PLPPR3: variants seen among roughly 807,000 people sequenced by gnomAD.
PLPPR3 encodes the protein phospholipid phosphatase related 3.
A neutral mutation model predicts 27.3 loss-of-function variants in PLPPR3; 14 were observed. The observed-to-expected ratio is 0.51, with a 90% CI of 0.34 to 0.80. The LOEUF (loss-of-function observed/expected upper bound fraction) is 0.80. PLPPR3 is among the 30% of genes least tolerant of loss of function. The probability of loss-of-function intolerance (pLI) is 0.01; values close to 1 mark genes in which losing one functional copy is unlikely to be tolerated. For synonymous variants in PLPPR3, 671 were observed against 508.0 expected, an observed-to-expected ratio of 1.32 and a Z score of -4.32; for missense variants, 1,287 against 1,056.9, an observed-to-expected ratio of 1.22 and a Z score of -3.02.
Position 813,248 on chromosome 19 carries a change from C to T in PLPPR3, c.1479G>A (p.Leu493=), listed in dbSNP as rs1236474229. 1 of 1,478,094 alleles carries T rather than the reference C, an allele frequency of 6.8e-7. No individual in the cohort carries two copies. The highest frequency in any genetic ancestry group is 8.9e-7 in the Non-Finnish European group (1 of 1,124,288). 91.6% of individuals were successfully genotyped at this position (1,478,094 alleles called of 1,614,324 possible). ...GCGCGCCCTCCTCCGGGATGTGCAC[C>T]AGCGGCGGCGGCCCCGCGCGCGGTG... ...ILPPRAGPPP[L]VHIPEEGAQT... Residue 493 remains leucine (L), a synonymous_variant, in exon 8 of 8, where the codon CTG becomes CTA. Transcript: ENST00000520876. This position sits in a 1 kb window ranked among gnomAD's most constrained non-coding sequence, Gnocchi z 4.1.
At chr19:814,669 G>A in intron 6 of PLPPR3, 23 bp downstream of exon 6, 1 of 1,607,280 alleles carries the variant, frequency 6.2e-7, no homozygotes, top group South Asian at 1.1e-5. Flanking sequence ...GGCCTGGGAA[G>A]GGCAGTGAGG....
upstream of PLPPR3, among the ~76,000 whole-genome samples, chr19:822,910 G>A (rs1373757936): frequency 1.3e-5 from 2 of 151,680 alleles, no homozygotes; most frequent in Non-Finnish European, 2.9e-5. Context: ...CACGAGGGCA[G>A]GAGTTCGAGA....
chr19:819,727 C>T (rs957675947), intron 2 of PLPPR3, among the ~76,000 whole-genome samples: 6 of 152,192 alleles, frequency 3.9e-5, no homozygotes, highest in South Asian at 2.1e-4. Flanking sequence ...AGCCGCTGGC[C>T]GTGTGACCTG....
At position 821,542 on chromosome 19, in the gene PLPPR3, C is replaced by T. The variant is rs150524534; in HGVS notation, c.18G>A (p.Glu6=). 4,403 of 1,499,512 alleles carry T rather than the reference C, an allele frequency of 2.9e-3. 12 individuals are homozygous for T. The highest frequency in any genetic ancestry group is 4.4e-3 in the Middle Eastern group (25 of 5,740). 92.9% of individuals were successfully genotyped at this position (1,499,512 alleles called of 1,614,324 possible). ...TGCTGTCCTTCGGGATCTTGTTCTT[C>T]TCCTTGGTGGAGATCATGGTGCCGC... MISTK[E]KNKIPKDSMT... is the part of the protein sequence containing the mutation. The change falls in exon 2 of 8, where the codon GAG becomes GAA. Residue 6 remains glutamate, a synonymous_variant. Coordinates refer to ENST00000520876, the MANE Select transcript of PLPPR3 (RefSeq NM_001270366.2).
upstream of PLPPR3, among the ~76,000 whole-genome samples, chr19:823,526 G>GTT (rs1456822819): frequency 3.4e-3 from 510 of 152,048 alleles, 1 homozygote; most frequent in Middle Eastern, 0.014. Context: ...AACAGGCACT[G>GTT]CTGCCCCCGG....
chr19:813,882 A>T lies in PLPPR3; in HGVS notation c.845T>A (p.Val282Glu). 1 of 1,434,768 alleles carries T rather than the reference A, an allele frequency of 7.0e-7. No homozygotes were observed. Among genetic ancestry groups the T allele is most frequent in the Non-Finnish European group, 9.1e-7 (1 of 1,100,932 alleles). The allele number at this position is 1,434,768 out of a possible 1,614,324, so 88.9% of individuals were successfully genotyped here. A position where few individuals can be genotyped will look rare whatever the true frequency, so the allele number is the denominator to read the frequency against. ...TGCAGGTGGGGCCTGGAAGTTGCCC[A>T]CCGCGTGGCAGGCCTGTCGGGGAGA... is the stretch of plus-strand genomic sequence containing the variant. ...GIAAYLACHA[V>E]GNFQAPPAEK... is the part of the protein sequence containing the mutation. The change falls in exon 8 of 8, where the codon GTG becomes GAG. Residue 282 changes from valine (V) to glutamate (E), a missense_variant. Coordinates refer to ENST00000520876, the MANE Select transcript of PLPPR3 (RefSeq NM_001270366.2). The surrounding 1 kb of genome is among the most constrained non-coding windows in gnomAD (Gnocchi z 4.1).
At position 813,488 on chromosome 19, in the gene PLPPR3, C is replaced by A. The variant is rs367679158; in HGVS notation, c.1239G>T (p.Gln413His). Residue 413 changes from glutamine to histidine, a missense_variant, in exon 8 of 8, where the codon CAG (glutamine) becomes CAT (histidine). Gln to His is a conservative substitution (Grantham distance 24, BLOSUM62 0). Transcript: ENST00000520876. This position sits in a 1 kb window ranked among gnomAD's most constrained non-coding sequence, Gnocchi z 4.1. ...CCAGGCCGCGGCCCTCCAGGCTCTT[C>A]TGCTTCCACTCGCTGATGAGCTGCT... ...RSKQLISEWK[Q>H]KSLEGRGLGL... 2 of 1,549,350 alleles carry A rather than the reference C, an allele frequency of 1.3e-6. No homozygotes were observed. Among genetic ancestry groups the A allele is most frequent in the Non-Finnish European group, 1.7e-6 (2 of 1,151,408 alleles).
chr19:818,307 C>T (rs942420851), intron 2 of PLPPR3, among the ~76,000 whole-genome samples: 14 of 151,852 alleles, frequency 9.2e-5, no homozygotes, highest in African/African-American at 1.7e-4. Flanking sequence ...CGTTTGAGGA[C>T]GGGAGGTGGA....
In PLPPR3 at chr19:821,676, G is replaced by A. The variant is rs1017097651; in HGVS notation, c.-26-91C>T. ...GGCGCCGGCGGGGGAGGGGCGGTCGGGGAAACTGAGGCTGCAGAGAGCGGC... is the reference window on the plus strand; with the variant it reads ...GGCGCCGGCGGGGGAGGGGCGGTCGAGGAAACTGAGGCTGCAGAGAGCGGC... On this transcript the variant is annotated intron_variant, in intron 1 of 7. Coordinates refer to ENST00000520876, the MANE Select transcript of PLPPR3 (RefSeq NM_001270366.2). 6.4e-6 allele frequency: 4 copies of A among 624,276 alleles called. No homozygotes were observed. In the Admixed American group the frequency reaches 1.3e-4, roughly 20 times the overall value. 38.7% of individuals were successfully genotyped at this position (624,276 alleles called of 1,614,324 possible). A position where few individuals can be genotyped will look rare whatever the true frequency, so the allele number is the denominator to read the frequency against.
At chr19:818,791 C>T (rs2145079757) in intron 2 of PLPPR3, among the ~76,000 whole-genome samples, 1 of 152,144 alleles carries the variant, frequency 6.6e-6, no homozygotes, top group Admixed American at 6.5e-5. Context: ...CCTAGGCCTT[C>T]CAAAGTGCTG....
At position 814,536 on chromosome 19, in the gene PLPPR3, G is replaced by A. The variant is rs758044499; in HGVS notation, c.729C>T (p.Ile243=). The A allele has an allele frequency of 1.4e-5, 22 of 1,611,894 alleles. No homozygotes were observed. Among genetic ancestry groups the A allele is most frequent in the South Asian group, 9.9e-5 (9 of 91,086 alleles). ...LKPILVFAFA[I]AAGVCGLTQI... is the part of the protein sequence containing the mutation. ...GCGTGAGCCCGCATACGCCCGCGGC[G>A]ATGGCAAAGGCGAAGACCAGGATGG... The change falls in exon 7 of 8, where the codon ATC becomes ATT. Residue 243 remains isoleucine, a synonymous_variant. Coordinates refer to ENST00000520876, the MANE Select transcript of PLPPR3 (RefSeq NM_001270366.2).
In PLPPR3 at chr19:813,482, G is replaced by T. The variant is rs779062739; in HGVS notation, c.1245C>A (p.Ser415Arg). The change falls in exon 8 of 8, where the codon AGC becomes AGA. Residue 415 changes from serine to arginine, a missense_variant. Physicochemically the swap from Ser to Arg is moderately radical, Grantham distance 110. Transcript: ENST00000520876. The surrounding 1 kb of genome is among the most constrained non-coding windows in gnomAD (Gnocchi z 4.1). The stretch of plus-strand genomic sequence containing the variant: ...GCAGCCCCAGGCCGCGGCCCTCCAG[G>T]CTCTTCTGCTTCCACTCGCTGATGA... ...KQLISEWKQK[S>R]LEGRGLGLPD... 8 of 1,545,612 alleles carry T rather than the reference G, an allele frequency of 5.2e-6. No homozygotes were observed. The highest frequency in any genetic ancestry group is 7.0e-6 in the Non-Finnish European group (8 of 1,149,810).
At chr19:822,502 C>T (rs1425273839), upstream of PLPPR3, among the ~76,000 whole-genome samples, 2 of 152,094 alleles carry the variant, frequency 1.3e-5, no homozygotes, top group Non-Finnish European at 2.9e-5. Flanking sequence ...GGGGGGTCTC[C>T]CGGTGCCTCC....
At position 812,494 on chromosome 19, in the gene PLPPR3, T is replaced by C. The variant is rs1338610687; in HGVS notation, c.*76A>G. On this transcript the variant is annotated 3_prime_UTR_variant, in exon 8 of 8. Coordinates refer to ENST00000520876, the MANE Select transcript of PLPPR3 (RefSeq NM_001270366.2). ...AATGACCAAGAGCCGGACCTCGGTT[T>C]CTGCCGCTTTATTGAGCATCCGCGC... The C allele has an allele frequency of 3.1e-6, 3 of 977,818 alleles. No homozygotes were observed. The highest frequency in any genetic ancestry group is 1.8e-5 in the African/African-American group (1 of 56,922). The allele number at this position is 977,818 out of a possible 1,614,324, so 60.6% of individuals were successfully genotyped here.
Position 814,418 on chromosome 19 carries a change from A to G in PLPPR3, c.831+16T>C, listed in dbSNP as rs1243031250. On this transcript the variant is annotated intron_variant, in intron 7 of 7. Transcript: ENST00000520876. ...CTGGGAACCCATGCCGACCCCCATC[A>G]GAACCTGCCACTCACCAGGTAGGCA... 1 of 1,586,884 alleles carries G rather than the reference A, an allele frequency of 6.3e-7. No individual in the cohort carries two copies. The highest frequency in any genetic ancestry group is 8.6e-7 in the Non-Finnish European group (1 of 1,168,732).
chr19:812,741 G>T lies in PLPPR3; in HGVS notation c.1986C>A (p.Ala662=), dbSNP rs1237124087. Reference sequence around the variant, plus strand: ...CCAGCGGGGGCAGCCCCTCGCCCGTGGCCAGGTTGACGGTGGCCACGGCCC... The same window carrying T: ...CCAGCGGGGGCAGCCCCTCGCCCGTTGCCAGGTTGACGGTGGCCACGGCCC... ...RFGAVATVNL[A]TGEGLPPLGA... is the part of the protein sequence containing the mutation. The change falls in exon 8 of 8, where the codon GCC becomes GCA. Residue 662 remains alanine, a synonymous_variant. Coordinates refer to ENST00000520876, the MANE Select transcript of PLPPR3 (RefSeq NM_001270366.2). 3.3e-5 allele frequency: 35 copies of T among 1,069,688 alleles called. No homozygotes were observed. The highest frequency in any genetic ancestry group is 3.8e-5 in the Non-Finnish European group (34 of 883,678). 66.3% of individuals were successfully genotyped at this position (1,069,688 alleles called of 1,614,324 possible). A position where few individuals can be genotyped will look rare whatever the true frequency, so the allele number is the denominator to read the frequency against.
At chr19:815,932 T>A (rs2035046036) in intron 2 of PLPPR3, 81 bp from the exon 3 acceptor site, 2 of 1,408,884 alleles carry the variant, frequency 1.4e-6, no homozygotes, top group Admixed American at 2.1e-5. Context: ...TTCAGGGCCA[T>A]CCACCGTCTC....
chr19:812,596 T>C lies in PLPPR3; in HGVS notation c.2131A>G (p.Met711Val), dbSNP rs2034943913. ...EAEAEGYFRK[M>V]QARRFPD Reference sequence around the variant, plus strand: ...TAGTCGGGGAAGCGGCGCGCCTGCATCTTGCGGAAGTAGCCCTCGGCCTCC... The same window carrying C: ...TAGTCGGGGAAGCGGCGCGCCTGCACCTTGCGGAAGTAGCCCTCGGCCTCC... Residue 711 changes from methionine (M) to valine (V), a missense_variant, in exon 8 of 8, where the codon ATG (methionine) becomes GTG (valine). Coordinates refer to ENST00000520876, the MANE Select transcript of PLPPR3 (RefSeq NM_001270366.2). 4.6e-6 allele frequency: 5 copies of C among 1,089,956 alleles called. No homozygotes were observed. Among genetic ancestry groups the C allele is most frequent in the South Asian group, 2.1e-5 (1 of 48,116 alleles). The allele number at this position is 1,089,956 out of a possible 1,614,324, so 67.5% of individuals were successfully genotyped here. A position where few individuals can be genotyped will look rare whatever the true frequency, so the allele number is the denominator to read the frequency against.
chr19:820,932 C>T (rs2035134042), intron 2 of PLPPR3, among the ~76,000 whole-genome samples: 1 of 152,168 alleles, frequency 6.6e-6, no homozygotes, highest in Admixed American at 6.5e-5. Flanking sequence ...GCTGGGATTA[C>T]AGGCGTGAGC....
Sources: gnomAD v4.1 joint callset for allele counts (sites outside exome capture counted in the v4.1 genomes callset) on GRCh38, gnomAD v4.1.1 for gene constraint, Gnocchi (gnomAD v3.1) non-coding constraint, MANE v1.5 for transcripts, NCBI Gene and HGNC (gene_info 2026-07-23, HGNC 2026-07-21) for gene names.